LRCH2: variants seen among roughly 807,000 people sequenced by gnomAD.
LRCH2 encodes the protein leucine rich repeats and calponin homology domain containing 2.
In LRCH2, 38 loss-of-function variants were observed where a neutral mutation model predicts 68.9. The ratio of observed to expected loss-of-function variants is 0.55; its 90% CI spans 0.43 to 0.72. The LOEUF is 0.72. Among genes scored for constraint, LRCH2 ranks in the 30% least tolerant of loss-of-function variants. The pLI is 0.00. For synonymous variants in LRCH2, 191 were observed against 208.1 expected (o/e 0.92, Z 0.71); for missense variants, 528 against 572.9 (o/e 0.92, Z 0.80).
chrX:115,160,279 G>A (rs1454542334), intron 11 of LRCH2, among the ~76,000 whole-genome samples: 2 of 110,881 alleles, frequency 1.8e-5, no homozygotes, highest in Non-Finnish European at 3.8e-5. Flanking sequence ...TTGCACCACT[G>A]CACTCCAGCC....
intron 1 of LRCH2, among the ~76,000 whole-genome samples, chrX:115,210,815 C>T (rs781865052): frequency 8.9e-6 from 1 of 111,979 alleles, no homozygotes; most frequent in South Asian, 3.8e-4. Context: ...CTTGCATCAG[C>T]GTGACCTGGA....
At position 115,184,472 on chromosome X, in the gene LRCH2, C is replaced by G; in HGVS notation, c.560G>C (p.Ser187Thr). 2 of 1,188,459 alleles carry G rather than the reference C, an allele frequency of 1.7e-6. No homozygotes were observed. The highest frequency in any genetic ancestry group is 6.0e-5 in the East Asian group (2 of 33,233). Reference sequence around the variant, plus strand: ...TGGAATGGATACCAGTTTATTATTACTGACGACCAAAACTTTAAGGGGAAG... The same window carrying G: ...TGGAATGGATACCAGTTTATTATTAGTGACGACCAAAACTTTAAGGGGAAG... ...FDLPLKVLVVSNNKLVSIPEE... is the reference protein window; with the variant it reads ...FDLPLKVLVVTNNKLVSIPEE... Residue 187 changes from serine to threonine, a missense_variant, in exon 3 of 21, where the codon AGT (serine) becomes ACT (threonine). Ser to Thr is a moderately conservative substitution (Grantham distance 58). Transcript: ENST00000317135.
intron 14 of LRCH2, among the ~76,000 whole-genome samples, chrX:115,136,102 T>C (rs925340697): frequency 9.0e-6 from 1 of 111,307 alleles, no homozygotes; most frequent in Non-Finnish European, 1.9e-5. Context: ...ATGCCTGTAC[T>C]GTTACACTCA....
In LRCH2 at chrX:115,218,797, C is replaced by A. The variant is rs782077313; in HGVS notation, c.349+14896G>T. Among the ~76,000 whole-genome samples the A allele has an allele frequency of 2.0e-4, 22 of 112,194 alleles. No homozygotes were observed. In the South Asian group the frequency reaches 3.0e-3, roughly 15 times the overall value. The stretch of plus-strand genomic sequence containing the variant: ...TGTATCGGGGCTGTGAGAGGCTGCT[C>A]GGCCTGCTGCCACCCTGTAGAGTGT... On this transcript the variant is annotated intron_variant, in intron 1 of 20. Transcript: ENST00000317135.
At chrX:115,165,976 C>T in intron 7 of LRCH2, 24 bp from the exon 8 acceptor site, 1 of 1,017,466 alleles carries the variant, frequency 9.8e-7, no homozygotes, top group Non-Finnish European at 1.3e-6. Context: ...GCAAAAAGTA[C>T]AAATGAGGCA....
At chrX:115,170,536 CTTGA>C in intron 5 of LRCH2, 104 bp from the exon 6 acceptor site, 1 of 738,736 alleles carries the variant, frequency 1.4e-6, no homozygotes, top group East Asian at 4.1e-5. Flanking sequence ...ACATCACAAT[CTTGA>C]TTGATACTTT....
intron 1 of LRCH2, among the ~76,000 whole-genome samples, chrX:115,228,890 T>C (rs375433733): frequency 1.8e-5 from 2 of 111,082 alleles, no homozygotes; most frequent in African/African-American, 3.3e-5. Flanking sequence ...GTGTACAGTA[T>C]ATTAAAATAT....
chrX:115,113,123 A>G lies in LRCH2; in HGVS notation c.*93T>C, dbSNP rs1489144202. On this transcript the variant is annotated 3_prime_UTR_variant, in exon 21 of 21. Transcript: ENST00000317135. The stretch of plus-strand genomic sequence containing the variant: ...CCTAAGGCGTGACCTAAGGCAAACT[A>G]TTTTTGACGGAATATTCTTATTCAT... The G allele has an allele frequency of 1.1e-6, 1 of 891,430 alleles. No individual in the cohort carries two copies. Among genetic ancestry groups the G allele is most frequent in the Non-Finnish European group, 1.5e-6 (1 of 670,877 alleles). 73.5% of individuals were successfully genotyped at this position (891,430 alleles called of 1,213,427 possible).
chrX:115,196,092 A>G (rs899094104), intron 1 of LRCH2, among the ~76,000 whole-genome samples: 10 of 111,205 alleles, frequency 9.0e-5, no homozygotes, highest in Non-Finnish European at 1.9e-5. Flanking sequence ...CAAAACTAAG[A>G]AACGGACATG....
chrX:115,126,867 T>C lies in LRCH2; in HGVS notation c.1767A>G (p.Ser589=), dbSNP rs1382190824. 15 of 1,083,746 alleles carry C rather than the reference T, an allele frequency of 1.4e-5. No individual in the cohort carries two copies. Among genetic ancestry groups the C allele is most frequent in the Middle Eastern group, 2.4e-4 (1 of 4,086 alleles). The allele number at this position is 1,083,746 out of a possible 1,213,427, so 89.3% of individuals were successfully genotyped here. Residue 589 remains serine, a synonymous_variant, in exon 16 of 21, where the codon TCA becomes TCG. Coordinates refer to ENST00000317135, the MANE Select transcript of LRCH2 (RefSeq NM_020871.4). ...DEQDSDNANM[S]TQSPVSSEEY... Reference sequence around the variant, plus strand: ...CCTCAGATGATACTGGAGATTGTGTTGACATATTAGCATTATCACTGTCTT... The same window carrying C: ...CCTCAGATGATACTGGAGATTGTGTCGACATATTAGCATTATCACTGTCTT...
chrX:115,172,402 C>CATA (rs1320077018), intron 5 of LRCH2, among the ~76,000 whole-genome samples: 17 of 112,025 alleles, frequency 1.5e-4, no homozygotes, highest in South Asian at 7.4e-4. Context: ...ACAGGGTTAA[C>CATA]ATAAGAATTA....
At chrX:115,208,156 T>C (rs1224233323) in intron 1 of LRCH2, among the ~76,000 whole-genome samples, 1 of 112,474 alleles carries the variant, frequency 8.9e-6, no homozygotes, top group Non-Finnish European at 1.9e-5. Context: ...TTGTGATAAT[T>C]TGTTATGGCA....
At chrX:115,151,300 G>T (rs2072430035) in intron 12 of LRCH2, among the ~76,000 whole-genome samples, 1 of 110,675 alleles carries the variant, frequency 9.0e-6, no homozygotes, top group African/African-American at 3.3e-5. Flanking sequence ...TGAAAAAAAT[G>T]ACATTTAAGA....
chrX:115,136,828 T>C (rs1460030050), intron 14 of LRCH2, among the ~76,000 whole-genome samples: 2 of 112,330 alleles, frequency 1.8e-5, no homozygotes, highest in Non-Finnish European at 3.8e-5. Context: ...TAAGAAGTTT[T>C]TTGGATGATT....
At chrX:115,173,193 C>T (rs2072618136) in intron 5 of LRCH2, among the ~76,000 whole-genome samples, 1 of 111,256 alleles carries the variant, frequency 9.0e-6, no homozygotes, top group African/African-American at 3.3e-5. Context: ...CCATGTCCAT[C>T]CCGCTGACCC....
intron 5 of LRCH2, among the ~76,000 whole-genome samples, chrX:115,170,765 A>G (rs2072598612): frequency 8.9e-6 from 1 of 112,073 alleles, no homozygotes; most frequent in Non-Finnish European, 1.9e-5. Context: ...AAAATGAAAA[A>G]TATATATTCA....
intron 14 of LRCH2, chrX:115,139,114 C>T (rs1468746456): frequency 1.8e-5 from 2 of 111,756 alleles, no homozygotes; most frequent in Non-Finnish European, 3.8e-5. Context: ...CCATTGAATT[C>T]GGACTAGCCT....
At chrX:115,188,518 CA>C in intron 1 of LRCH2, 148 bp from the exon 2 acceptor site, 1 of 395,542 alleles carries the variant, frequency 2.5e-6, no homozygotes, top group South Asian at 1.0e-4. Flanking sequence ...ACCTTGAAGG[CA>C]AAAAACATCA....
chrX:115,163,533 T>C (rs782269001), intron 11 of LRCH2, 143 bp downstream of exon 11: 124 of 387,150 alleles, frequency 3.2e-4, no homozygotes, highest in Non-Finnish European at 4.8e-4. Flanking sequence ...TGAGGAATAC[T>C]CAATCTGTAG....
Sources: gnomAD v4.1 joint callset for allele counts (sites outside exome capture counted in the v4.1 genomes callset) on GRCh38, gnomAD v4.1.1 for gene constraint, MANE v1.5 for transcripts, NCBI Gene and HGNC (gene_info 2026-07-23, HGNC 2026-07-21) for gene names.